The following ADAMTSL1 variants were observed in gnomAD, a reference collection of about 807,000 sequenced individuals.
ADAMTSL1 encodes the protein ADAMTS-like protein 1.
ADAMTSL1 carries 126 observed loss-of-function variants against 201.8 expected under a neutral mutation model. The observed-to-expected ratio is 0.62, with a 90% CI of 0.54 to 0.72. The LOEUF (loss-of-function observed/expected upper bound fraction) is 0.72. Among genes scored for constraint, ADAMTSL1 ranks in the 30% least tolerant of loss-of-function variants. The pLI is 0.00. For missense variants in ADAMTSL1, 2,679 were observed against 2,277.8 expected (o/e 1.18, Z -3.59); for synonymous variants, 1,121 against 903.4 (o/e 1.24, Z -4.32).
intron 24 of ADAMTSL1, 90 bp from the exon 25 acceptor site, chr9:18,889,478 G>A (rs760401331): frequency 2.1e-6 from 3 of 1,412,924 alleles, no homozygotes; most frequent in Non-Finnish European, 2.9e-6. Flanking sequence ...ATCCACCCCT[G>A]TCACCTTCTC....
chr9:18,072,460 A>G (rs1823012439), intron 1 of ADAMTSL1, among the ~76,000 whole-genome samples: 1 of 152,190 alleles, frequency 6.6e-6, no homozygotes, highest in Non-Finnish European at 1.5e-5. Flanking sequence ...GAGACCTGCA[A>G]ATATTGACCT....
intron 1 of ADAMTSL1, among the ~76,000 whole-genome samples, chr9:18,008,056 G>C (rs1397375982): frequency 6.6e-6 from 1 of 151,992 alleles, no homozygotes; most frequent in Non-Finnish European, 1.5e-5. Context: ...AAGAAGATAT[G>C]ATAACACTGC....
intron 1 of ADAMTSL1, among the ~76,000 whole-genome samples, chr9:18,484,445 A>G (rs1311780476): frequency 2.0e-5 from 3 of 152,178 alleles, no homozygotes; most frequent in Non-Finnish European, 4.4e-5. Flanking sequence ...ATTTAAGGTC[A>G]TTTCTTTGAC....
intron 1 of ADAMTSL1, among the ~76,000 whole-genome samples, chr9:18,072,119 C>G (rs1366663289): frequency 6.6e-6 from 1 of 152,076 alleles, no homozygotes; most frequent in Non-Finnish European, 1.5e-5. Context: ...CCGTGGGGAT[C>G]TTATTTTTGG....
intron 2 of ADAMTSL1, among the ~76,000 whole-genome samples, chr9:18,269,849 T>G (rs1445495847): frequency 7.4e-6 from 1 of 134,896 alleles, no homozygotes; most frequent in African/African-American, 2.6e-5. Context: ...TTCATCCTTT[T>G]TTTTTTTTTT....
At chr9:18,877,387 G>C (rs113724887) in intron 23 of ADAMTSL1, among the ~76,000 whole-genome samples, 3,928 of 152,222 alleles carry the variant, frequency 0.026, 121 homozygotes, top group South Asian at 0.14. Flanking sequence ...GGGGCTCAAG[G>C]GCTGCTGTTG....
At chr9:18,331,494 G>T (rs1466582617) in intron 2 of ADAMTSL1, among the ~76,000 whole-genome samples, 2 of 152,132 alleles carry the variant, frequency 1.3e-5, no homozygotes, top group Non-Finnish European at 2.9e-5. Context: ...AATTAGTCCT[G>T]AACTATGCCT....
chr9:18,794,470 C>T (rs1022126191), intron 19 of ADAMTSL1, among the ~76,000 whole-genome samples: 10 of 151,196 alleles, frequency 6.6e-5, no homozygotes, highest in Non-Finnish European at 1.3e-4. Flanking sequence ...ATAAGATTTA[C>T]AGCTAAATAA....
chr9:18,142,366 C>T (rs1826438914), intron 1 of ADAMTSL1, among the ~76,000 whole-genome samples: 1 of 152,180 alleles, frequency 6.6e-6, no homozygotes, highest in Non-Finnish European at 1.5e-5. Flanking sequence ...AAGAAAAAGT[C>T]AGTGGAATAG....
At chr9:17,966,776 T>G (rs1031509435) in intron 1 of ADAMTSL1, among the ~76,000 whole-genome samples, 8 of 152,168 alleles carry the variant, frequency 5.3e-5, no homozygotes, top group South Asian at 2.1e-4. Flanking sequence ...TTTCTTTTAT[T>G]ATTATTTGGA....
chr9:18,516,078 C>T (rs1818346165), intron 2 of ADAMTSL1, among the ~76,000 whole-genome samples: 2 of 121,856 alleles, frequency 1.6e-5, no homozygotes, highest in African/African-American at 6.0e-5. Flanking sequence ...CCTCCCTCAC[C>T]TCAACTACCA....
chr9:18,888,102 C>T (rs1829017715), intron 24 of ADAMTSL1, 59 bp downstream of exon 24: 4 of 1,524,666 alleles, frequency 2.6e-6, no homozygotes, highest in South Asian at 1.2e-5. Context: ...ACTTGGGAAT[C>T]TAACTATCTA....
intron 2 of ADAMTSL1, among the ~76,000 whole-genome samples, chr9:18,358,444 T>C (rs1836354385): frequency 6.6e-6 from 1 of 152,196 alleles, no homozygotes; most frequent in Admixed American, 6.5e-5. Context: ...ATTCACGATG[T>C]TGTGCAACCA....
chr9:18,661,611 A>C (rs1295753416), intron 8 of ADAMTSL1, among the ~76,000 whole-genome samples: 2 of 152,236 alleles, frequency 1.3e-5, no homozygotes, highest in East Asian at 3.8e-4. Flanking sequence ...TTTTGGACAC[A>C]GAATTCTGCA....
In ADAMTSL1 at chr9:18,826,263, G is replaced by T. The variant is rs768603621; in HGVS notation, c.3935-21G>T. Reference sequence around the variant, plus strand: ...GTTTGACTGATGAGTGGGGTTTTTTGTTTTTTTTTTTTCTTCCTAGGAGTG... The same window carrying T: ...GTTTGACTGATGAGTGGGGTTTTTTTTTTTTTTTTTTTCTTCCTAGGAGTG... On this transcript the variant is annotated intron_variant, in intron 21 of 28. Transcript: ENST00000380548. 2.4e-4 allele frequency: 327 copies of T among 1,356,636 alleles called. 1 individual carries two copies. In the East Asian group the frequency reaches 2.9e-3, roughly 12 times the overall value. 84.0% of individuals were successfully genotyped at this position (1,356,636 alleles called of 1,614,324 possible).
rs1587491428 is a variant in ADAMTSL1 at position 18,536,475 on chromosome 9, C to G, written c.237+3183C>G. On this transcript the variant is annotated intron_variant, in intron 3 of 28. Transcript: ENST00000380548. ...TTTTTTTTTCCTGAAAAGCAGCTCA[C>G]AGGCTTTTAAAAATTTATTGCCAAC... 3.3e-5 allele frequency among the ~76,000 whole-genome samples: 5 copies of G among 149,796 alleles called. No individual in the cohort carries two copies. In the South Asian group the frequency reaches 1.0e-3, roughly 31 times the overall value.
At chr9:18,357,253 T>G (rs558247837) in intron 2 of ADAMTSL1, among the ~76,000 whole-genome samples, 1 of 152,284 alleles carries the variant, frequency 6.6e-6, no homozygotes, top group South Asian at 2.1e-4. Context: ...GCAAAGTATT[T>G]TTTTTCAATT....
intron 2 of ADAMTSL1, among the ~76,000 whole-genome samples, chr9:18,258,463 A>G (rs999567491): frequency 1.3e-5 from 2 of 152,204 alleles, no homozygotes; most frequent in Admixed American, 1.3e-4. Flanking sequence ...AGAGCCTGCC[A>G]GGGCCTCCTT....
intron 1 of ADAMTSL1, among the ~76,000 whole-genome samples, chr9:17,946,139 T>C (rs1326313230): frequency 6.6e-6 from 1 of 150,540 alleles, no homozygotes; most frequent in African/African-American, 2.4e-5. Flanking sequence ...AAATAGCATC[T>C]CTCATGACCA....
Sources: allele counts gnomAD v4.1 joint callset (sites outside exome capture counted in the v4.1 genomes callset), GRCh38; gene constraint gnomAD v4.1.1; transcripts MANE v1.5; gene names NCBI Gene and HGNC (gene_info 2026-07-23, HGNC 2026-07-21).